Variants in PRC1 observed in about 807,000 individuals in gnomAD.
PRC1 encodes protein regulator of cytokinesis 1, also known as anaphase spindle elongation 1 homolog.
Under a neutral mutation model 91.2 loss-of-function variants are expected in PRC1, and 54 were observed. The observed-to-expected ratio is 0.59, with a 90% CI of 0.48 to 0.74. The LOEUF is 0.74. Among genes scored for constraint, PRC1 ranks in the 30% least tolerant of loss-of-function variants. PRC1 has a pLI of 0.00. For synonymous variants in PRC1, 275 were observed against 263.6 expected, an observed-to-expected ratio of 1.04 and a Z score of -0.42; for missense variants, 727 against 746.2, an observed-to-expected ratio of 0.97 and a Z score of 0.30.
intron 11 of PRC1, among the ~76,000 whole-genome samples, chr15:90,972,245 T>C (rs2038218677): frequency 7.0e-6 from 1 of 143,088 alleles, no homozygotes. Flanking sequence ...TAGCCGGGTA[T>C]GGTGGCATGT....
Position 90,974,258 on chromosome 15 carries a change from T to C in PRC1, c.1351-12A>G, listed in dbSNP as rs371409918. On this transcript the variant is annotated splice_polypyrimidine_tract_variant and intron_variant, in intron 10 of 14. Transcript: ENST00000394249. The surrounding 1 kb of genome is among the most constrained non-coding windows in gnomAD (Gnocchi z 4.6). ...TTGTTCTTCAGTTGCTGTGTGAAAGTCAGAAGCAACAGTGATAAATCTCAG... is the reference window on the plus strand; with the variant it reads ...TTGTTCTTCAGTTGCTGTGTGAAAGCCAGAAGCAACAGTGATAAATCTCAG... The C allele has an allele frequency of 6.2e-7, 1 of 1,600,496 alleles. No individual in the cohort carries two copies. The highest frequency in any genetic ancestry group is 1.3e-5 in the African/African-American group (1 of 74,630).
chr15:90,975,663 T>G (rs2038617271), intron 9 of PRC1, among the ~76,000 whole-genome samples: 1 of 152,086 alleles, frequency 6.6e-6, no homozygotes, highest in Admixed American at 6.6e-5. Context: ...CCTCAGAATG[T>G]GACTGTATTT....
chr15:90,967,792 C>T (rs1246578370), intron 14 of PRC1: 1 of 954,580 alleles, frequency 1.0e-6, no homozygotes, highest in African/African-American at 1.8e-5. Flanking sequence ...AATGAAATTG[C>T]CCCACATTCT....
At chr15:90,987,006 G>C (rs537865824) in intron 1 of PRC1, among the ~76,000 whole-genome samples, 1 of 150,710 alleles carries the variant, frequency 6.6e-6, no homozygotes, top group Admixed American at 6.6e-5. Context: ...AGGCACGGTA[G>C]TTCACGCCTG....
Position 90,974,879 on chromosome 15 carries a change from G to A in PRC1, c.1204-148C>T. The A allele has an allele frequency of 1.1e-6, 1 of 909,138 alleles. No homozygotes were observed. The highest frequency in any genetic ancestry group is 1.7e-6 in the Non-Finnish European group (1 of 586,662). 56.3% of individuals were successfully genotyped at this position (909,138 alleles called of 1,614,324 possible). A position where few individuals can be genotyped will look rare whatever the true frequency, so the allele number is the denominator to read the frequency against. ...TGGGCCCACATGGGTACAGGTCAGAGTGACCAGAAATCAAAGCCCGGAGAC... is the reference window on the plus strand; with the variant it reads ...TGGGCCCACATGGGTACAGGTCAGAATGACCAGAAATCAAAGCCCGGAGAC... On this transcript the variant is annotated intron_variant, in intron 9 of 14. Transcript: ENST00000394249. The surrounding 1 kb of genome is among the most constrained non-coding windows in gnomAD (Gnocchi z 4.6).
In PRC1 at chr15:90,984,832, A is replaced by G. The variant is rs1460263475; in HGVS notation, c.12-7T>C. On this transcript the variant is annotated splice_polypyrimidine_tract_variant and splice_region_variant and intron_variant, in intron 1 of 14. Coordinates refer to ENST00000394249, the MANE Select transcript of PRC1 (RefSeq NM_003981.4). The surrounding 1 kb of genome is among the most constrained non-coding windows in gnomAD (Gnocchi z 5.1). ...CTCCTCCGCCAGCACCTCACTGAAAACCAAAAACTAAGGCCTGTTAGTTAC... is the reference window on the plus strand; with the variant it reads ...CTCCTCCGCCAGCACCTCACTGAAAGCCAAAAACTAAGGCCTGTTAGTTAC... The G allele has an allele frequency of 1.9e-6, 3 of 1,613,926 alleles. No homozygotes were observed. The highest frequency in any genetic ancestry group is 2.5e-6 in the Non-Finnish European group (3 of 1,179,940).
At position 90,974,319 on chromosome 15, in the gene PRC1, G is replaced by T; in HGVS notation, c.1351-73C>A. The T allele has an allele frequency of 7.4e-7, 1 of 1,344,008 alleles. No individual in the cohort carries two copies. The highest frequency in any genetic ancestry group is 1.1e-6 in the Non-Finnish European group (1 of 943,804). The allele number at this position is 1,344,008 out of a possible 1,614,324, so 83.3% of individuals were successfully genotyped here. The stretch of plus-strand genomic sequence containing the variant: ...GGTCTGGGATGGCAACAGCAGCAGG[G>T]CCGGGAATCTAGGCCCGTGTCTCTA... On this transcript the variant is annotated intron_variant, in intron 10 of 14. Coordinates refer to ENST00000394249, the MANE Select transcript of PRC1 (RefSeq NM_003981.4). The surrounding 1 kb of genome is among the most constrained non-coding windows in gnomAD (Gnocchi z 4.6).
At chr15:90,967,820 A>G in intron 14 of PRC1, 1 of 983,254 alleles carries the variant, frequency 1.0e-6, no homozygotes, top group South Asian at 4.7e-5. Flanking sequence ...TATCCCTGTC[A>G]TTAAGCGAGG....
At chr15:90,981,360 C>T in intron 5 of PRC1, 139 bp downstream of exon 5, 1 of 986,154 alleles carries the variant, frequency 1.0e-6, no homozygotes. Context: ...GGTTGTATAT[C>T]ATATATTACT....
rs1234318738 is a variant in PRC1, at chr15:90,970,386, G to C, written c.1572+18C>G. On this transcript the variant is annotated intron_variant, in intron 12 of 14. Coordinates refer to ENST00000394249, the MANE Select transcript of PRC1 (RefSeq NM_003981.4). ...AGGGACGCATGTGAGGATGTGCTTA[G>C]ACACAGGGCATACTAACCTTGCTGC... The C allele has an allele frequency of 1.9e-6, 3 of 1,550,256 alleles. No homozygotes were observed. Among genetic ancestry groups the C allele is most frequent in the Admixed American group, 3.3e-5 (2 of 59,898 alleles).
intron 7 of PRC1, among the ~76,000 whole-genome samples, chr15:90,979,755 A>AT (rs541070254): frequency 9.8e-5 from 15 of 152,326 alleles, no homozygotes; most frequent in African/African-American, 3.6e-4. Context: ...GGCATTTACC[A>AT]TTATATGTCT....
intron 1 of PRC1, among the ~76,000 whole-genome samples, chr15:90,992,989 G>A (rs372462685): frequency 7.9e-6 from 1 of 127,160 alleles, no homozygotes; most frequent in Non-Finnish European, 1.6e-5. Context: ...CCAGAGTTTC[G>A]TTTGAGCCTC....
In PRC1 at chr15:90,984,177, T is replaced by C. The variant is rs2039413778; in HGVS notation, c.145-37A>G. 2 of 1,604,942 alleles carry C rather than the reference T, an allele frequency of 1.2e-6. No individual in the cohort carries two copies. The highest frequency in any genetic ancestry group is 2.7e-5 in the African/African-American group (2 of 74,430). On this transcript the variant is annotated intron_variant, in intron 2 of 14. Coordinates refer to ENST00000394249, the MANE Select transcript of PRC1 (RefSeq NM_003981.4). The surrounding 1 kb of genome is among the most constrained non-coding windows in gnomAD (Gnocchi z 5.1). ...AAAACAGTCCATAAGTTTGGGGCAA[T>C]GGAGGAAAAAAACTCCCAACACCAA...
At chr15:90,976,213 T>C (rs998882076) in intron 9 of PRC1, among the ~76,000 whole-genome samples, 1 of 152,068 alleles carries the variant, frequency 6.6e-6, no homozygotes, top group African/African-American at 2.4e-5. Flanking sequence ...CTCAGCCTCC[T>C]GAGTAGCTGG....
rs2037524877 is a variant in PRC1, at chr15:90,966,731, AAAG to A, written c.*397_*399del. On this transcript the variant is annotated 3_prime_UTR_variant, in exon 15 of 15. Coordinates refer to ENST00000394249, the MANE Select transcript of PRC1 (RefSeq NM_003981.4). ...CATTAATTGAACATGCCTAAACAAA[AAAG>A]ATGTTAATTACTAGTTACAGGTATA... is the stretch of plus-strand genomic sequence containing the variant. The A allele has an allele frequency of 2.2e-6, 1 of 444,520 alleles. No homozygotes were observed. The highest frequency in any genetic ancestry group is 2.0e-5 in the African/African-American group (1 of 49,930). The allele number at this position is 444,520 out of a possible 1,614,324, so 27.5% of individuals were successfully genotyped here. A position where few individuals can be genotyped will look rare whatever the true frequency, so the allele number is the denominator to read the frequency against.
chr15:90,987,772 G>C (rs1400357144), intron 1 of PRC1: 4 of 152,108 alleles, frequency 2.6e-5, no homozygotes, highest in Admixed American at 6.5e-5. Context: ...ACTGCAACTA[G>C]AGACTTTCAT....
At chr15:90,989,383 G>A (rs1432707726) in intron 1 of PRC1, among the ~76,000 whole-genome samples, 1 of 151,010 alleles carries the variant, frequency 6.6e-6, no homozygotes, top group Non-Finnish European at 1.5e-5. Context: ...AAGTAGCTGG[G>A]ACCATAGACG....
chr15:90,978,007 A>C (rs2038878958), intron 8 of PRC1, among the ~76,000 whole-genome samples: 1 of 152,172 alleles, frequency 6.6e-6, no homozygotes. Flanking sequence ...TCTGAGTCCT[A>C]GTTTGCTGCC....
At position 90,974,213 on chromosome 15, in the gene PRC1, T is replaced by A; in HGVS notation, c.1384A>T (p.Met462Leu). 2 of 1,614,196 alleles carry A rather than the reference T, an allele frequency of 1.2e-6. No homozygotes were observed. Among genetic ancestry groups the A allele is most frequent in the Non-Finnish European group, 1.7e-6 (2 of 1,180,018 alleles). Reference protein sequence around the residue: ...LKNKKQTETEMLYGSAPRTPS... With the variant: ...LKNKKQTETELLYGSAPRTPS... ...GTTCGAGGAGCGCTGCCATACAGCA[T>A]CTCTGTCTCTGTCTGTTTTTTGTTC... The change falls in exon 11 of 15, where the codon ATG becomes TTG. Residue 462 changes from methionine (M) to leucine (L), a missense_variant. Met to Leu is a conservative substitution (Grantham distance 15). Coordinates refer to ENST00000394249, the MANE Select transcript of PRC1 (RefSeq NM_003981.4). This position sits in a 1 kb window ranked among gnomAD's most constrained non-coding sequence, Gnocchi z 4.6.
Sources: allele counts gnomAD v4.1 joint callset (sites outside exome capture counted in the v4.1 genomes callset), GRCh38; gene constraint gnomAD v4.1.1; non-coding constraint Gnocchi (gnomAD v3.1); transcripts MANE v1.5; gene names NCBI Gene and HGNC (gene_info 2026-07-23, HGNC 2026-07-21).